The following NAALADL2 variants were observed in gnomAD, a reference collection of about 807,000 sequenced individuals.
The protein encoded by NAALADL2 is inactive N-acetylated-alpha-linked acidic dipeptidase-like protein 2.
In NAALADL2, 76 loss-of-function variants were observed where a neutral mutation model predicts 87.2. The observed-to-expected ratio is 0.87, with a 90% CI of 0.72 to 1.05. The LOEUF is 1.05. NAALADL2 is among the 50% of genes least tolerant of loss of function. The probability of loss-of-function intolerance (pLI) is 0.00; values close to 1 mark genes in which losing one functional copy is unlikely to be tolerated. For synonymous variants in NAALADL2, 354 were observed against 331.0 expected (o/e 1.07, Z -0.75); for missense variants, 1,089 against 945.8 (o/e 1.15, Z -1.99).
At chr3:175,263,189 T>C (rs912772093) in intron 4 of NAALADL2, among the ~76,000 whole-genome samples, 8 of 152,000 alleles carry the variant, frequency 5.3e-5, no homozygotes, top group African/African-American at 1.9e-4. Context: ...ATGATGGAAG[T>C]AAATTATTTT....
intron 2 of NAALADL2, among the ~76,000 whole-genome samples, chr3:175,178,157 A>G (rs13315372): frequency 0.11 from 16,556 of 151,956 alleles, 1,027 homozygotes; most frequent in Admixed American, 0.16. Context: ...GTTATTAGGA[A>G]GATTAGGGGA....
At chr3:175,350,327 T>C (rs760696808) in intron 5 of NAALADL2, among the ~76,000 whole-genome samples, 2 of 152,160 alleles carry the variant, frequency 1.3e-5, no homozygotes, top group Non-Finnish European at 2.9e-5. Flanking sequence ...TTAAGTCCTA[T>C]GTTGAGGTAG....
intron 8 of NAALADL2, among the ~76,000 whole-genome samples, chr3:175,467,977 C>A (rs1204907048): frequency 6.6e-6 from 1 of 152,026 alleles, no homozygotes; most frequent in Non-Finnish European, 1.5e-5. Flanking sequence ...AGACCAAAAA[C>A]ACTACATAAT....
At chr3:175,463,373 A>G in intron 6 of NAALADL2, 28 bp from the exon 7 acceptor site, 1 of 1,373,518 alleles carries the variant, frequency 7.3e-7, no homozygotes, top group East Asian at 2.5e-5. Flanking sequence ...ATAAAGAAGC[A>G]AAAGTCTTTA....
At chr3:174,645,558 A>C (rs1405877036) in intron 2 of NAALADL2, among the ~76,000 whole-genome samples, 5 of 152,244 alleles carry the variant, frequency 3.3e-5, no homozygotes, top group African/African-American at 1.2e-4. Context: ...CCCTACAAAA[A>C]GGCCATATTT....
intron 10 of NAALADL2, among the ~76,000 whole-genome samples, chr3:175,607,681 A>G (rs572928629): frequency 6.6e-6 from 1 of 152,190 alleles, no homozygotes; most frequent in African/African-American, 2.4e-5. Flanking sequence ...CCTTAAAAAC[A>G]TGTGATTATG....
At chr3:174,796,279 A>G (rs970999601) in intron 3 of NAALADL2, among the ~76,000 whole-genome samples, 1 of 152,208 alleles carries the variant, frequency 6.6e-6, no homozygotes, top group Non-Finnish European at 1.5e-5. Flanking sequence ...ATATGAGTAT[A>G]TTGCATACTG....
At position 175,481,710 on chromosome 3, in the gene NAALADL2, C is replaced by T. The variant is rs113984983; in HGVS notation, c.1653+9952C>T. Among the ~76,000 whole-genome samples, 58 of 151,904 alleles carry T rather than the reference C, an allele frequency of 3.8e-4. 1 individual carries two copies. In the Middle Eastern group the frequency reaches 0.01, roughly 27 times the overall value. ...ACCTAAATGTCTATCAGGAGGAAAA[C>T]AGATAAATTGTCCCGTGGTTTACTC... is the stretch of plus-strand genomic sequence containing the variant. On this transcript the variant is annotated intron_variant, in intron 9 of 13. Coordinates refer to ENST00000454872, the MANE Select transcript of NAALADL2 (RefSeq NM_207015.3).
intron 3 of NAALADL2, among the ~76,000 whole-genome samples, chr3:174,792,555 T>G (rs553641339): frequency 6.6e-5 from 10 of 152,276 alleles, no homozygotes; most frequent in African/African-American, 2.2e-4. Flanking sequence ...CACATGATTC[T>G]TACATGTTCT....
At chr3:175,735,925 G>T (rs562550683) in intron 11 of NAALADL2, among the ~76,000 whole-genome samples, 1 of 152,182 alleles carries the variant, frequency 6.6e-6, no homozygotes, top group Non-Finnish European at 1.5e-5. Flanking sequence ...AATTTCCCCT[G>T]TGTAGTTTCA....
chr3:174,543,485 G>A (rs1241065765), intron 1 of NAALADL2, among the ~76,000 whole-genome samples: 1 of 152,056 alleles, frequency 6.6e-6, no homozygotes. Context: ...TTAATTAACA[G>A]CATTTTAAGA....
intron 3 of NAALADL2, among the ~76,000 whole-genome samples, chr3:175,236,406 G>A (rs1016445591): frequency 2.6e-5 from 4 of 151,566 alleles, no homozygotes; most frequent in African/African-American, 7.3e-5. Context: ...AAAATTAACC[G>A]GGCCCGGTGG....
chr3:175,047,535 AG>A (rs1754832827), intron 1 of NAALADL2, among the ~76,000 whole-genome samples: 1 of 152,202 alleles, frequency 6.6e-6, no homozygotes, highest in Non-Finnish European at 1.5e-5. Flanking sequence ...GTATTTTAAA[AG>A]TTGTAACATA....
chr3:174,748,695 A>C (rs776843559), intron 3 of NAALADL2, among the ~76,000 whole-genome samples: 1 of 152,152 alleles, frequency 6.6e-6, no homozygotes, highest in Non-Finnish European at 1.5e-5. Context: ...ATGAAACTCA[A>C]TTTTTGATAC....
At chr3:175,165,527 A>T (rs1335087158) in intron 2 of NAALADL2, among the ~76,000 whole-genome samples, 2 of 152,190 alleles carry the variant, frequency 1.3e-5, no homozygotes, top group Non-Finnish European at 2.9e-5. Flanking sequence ...ACATTTGTGT[A>T]TCAAATCTTG....
At chr3:174,551,903 T>C (rs527773188) in intron 2 of NAALADL2, among the ~76,000 whole-genome samples, 10 of 152,338 alleles carry the variant, frequency 6.6e-5, no homozygotes, top group Admixed American at 5.2e-4. Flanking sequence ...GGCTTTGGTA[T>C]CCACGGTCCT....
intron 11 of NAALADL2, among the ~76,000 whole-genome samples, chr3:175,709,909 A>G (rs1004568118): frequency 6.6e-6 from 1 of 152,112 alleles, no homozygotes; most frequent in Non-Finnish European, 1.5e-5. Flanking sequence ...TGGAAGTTTG[A>G]TGCAGTGAGT....
chr3:174,538,389 A>G (rs1418792031), intron 1 of NAALADL2, among the ~76,000 whole-genome samples: 1 of 152,104 alleles, frequency 6.6e-6, no homozygotes. Flanking sequence ...CCAGCATTTA[A>G]CATTCAAGCA....
chr3:175,697,558 T>C (rs886937393), intron 11 of NAALADL2, among the ~76,000 whole-genome samples: 22 of 151,618 alleles, frequency 1.5e-4, no homozygotes, highest in Admixed American at 1.3e-3. Flanking sequence ...ATTTTAGATG[T>C]AGAAGTTGAG....
Sources: gnomAD v4.1 joint callset for allele counts (sites outside exome capture counted in the v4.1 genomes callset) on GRCh38, gnomAD v4.1.1 for gene constraint, MANE v1.5 for transcripts, NCBI Gene and HGNC (gene_info 2026-07-23, HGNC 2026-07-21) for gene names.